Variants in STRN3 observed in about 807,000 individuals in gnomAD.
STRN3 encodes the protein striatin-3.
STRN3 carries 29 observed loss-of-function variants against 95.6 expected under a neutral mutation model. That is an observed-to-expected ratio of 0.30 (90% CI 0.23 to 0.41). The LOEUF (loss-of-function observed/expected upper bound fraction) is 0.41, where lower values mean the gene tolerates loss of function less well. Among genes scored for constraint, STRN3 ranks in the 10% least tolerant of loss-of-function variants. STRN3 has a pLI of 1.00. For synonymous variants in STRN3, 331 were observed against 357.6 expected (o/e 0.93, Z 0.84); for missense variants, 890 against 972.1 (o/e 0.92, Z 1.12).
At chr14:30,914,372 A>C (rs565776069) in intron 9 of STRN3, among the ~76,000 whole-genome samples, 2 of 151,838 alleles carry the variant, frequency 1.3e-5, no homozygotes, top group African/African-American at 4.8e-5. Flanking sequence ...ATTTATTTAG[A>C]GACACAGTCT....
rs117709418 is a variant in STRN3, at chr14:30,945,303, T to C, written c.716+1787A>G. 2.1e-3 allele frequency among the ~76,000 whole-genome samples: 313 copies of C among 152,262 alleles called. 5 individuals are homozygous for C. In the East Asian group the frequency reaches 0.032, roughly 15 times the overall value. ...GTCCAAAACTTGGAACCAACCCACATACCCATCACCTATATAAGAAACACA... is the reference window on the plus strand; with the variant it reads ...GTCCAAAACTTGGAACCAACCCACACACCCATCACCTATATAAGAAACACA... On this transcript the variant is annotated intron_variant, in intron 5 of 17. Coordinates refer to ENST00000357479, the MANE Select transcript of STRN3 (RefSeq NM_001083893.2).
intron 5 of STRN3, 44 bp downstream of exon 5, chr14:30,947,046 T>A: frequency 3.1e-6 from 4 of 1,271,416 alleles, no homozygotes; most frequent in South Asian, 1.7e-5. Flanking sequence ...AATAACAATA[T>A]CCATAATATC....
At chr14:30,985,577 T>C (rs1259746422) in intron 1 of STRN3, among the ~76,000 whole-genome samples, 2 of 146,580 alleles carry the variant, frequency 1.4e-5, no homozygotes, top group South Asian at 2.2e-4. Flanking sequence ...TACTCCAGCC[T>C]GGGCAACGAG....
chr14:31,013,931 G>C (rs928364542), intron 1 of STRN3, among the ~76,000 whole-genome samples: 2 of 133,600 alleles, frequency 1.5e-5, no homozygotes, highest in Non-Finnish European at 3.3e-5. Context: ...GAGACAGAGT[G>C]TCAGTCTATT....
chr14:30,899,250 G>C (rs928826843), intron 16 of STRN3, among the ~76,000 whole-genome samples: 2 of 152,128 alleles, frequency 1.3e-5, no homozygotes, highest in African/African-American at 4.8e-5. Flanking sequence ...GGTTCTTCCA[G>C]AATCACTCAC....
intron 1 of STRN3, among the ~76,000 whole-genome samples, chr14:30,967,480 A>T (rs1308914826): frequency 6.6e-6 from 1 of 152,248 alleles, no homozygotes; most frequent in Admixed American, 6.5e-5. Flanking sequence ...TGACCCTATA[A>T]CACTCCAATA....
intron 7 of STRN3, among the ~76,000 whole-genome samples, chr14:30,930,961 T>C (rs1878505141): frequency 1.3e-5 from 2 of 152,136 alleles, no homozygotes; most frequent in Non-Finnish European, 2.9e-5. Context: ...ATGAAGTTTA[T>C]ATAGGAAATT....
intron 1 of STRN3, among the ~76,000 whole-genome samples, chr14:30,984,564 G>A (rs1226704843): frequency 6.6e-6 from 1 of 152,220 alleles, no homozygotes; most frequent in African/African-American, 2.4e-5. Context: ...CAGATCACGA[G>A]GTCAAGAGAT....
intron 5 of STRN3, among the ~76,000 whole-genome samples, chr14:30,938,095 TGTC>T (rs959207822): frequency 6.8e-6 from 1 of 147,920 alleles, no homozygotes; most frequent in Non-Finnish European, 1.5e-5. Flanking sequence ...ATTTTTTAAT[TGTC>T]GTTTTTTTTT....
chr14:30,899,493 C>T (rs1254495616), intron 16 of STRN3, among the ~76,000 whole-genome samples: 2 of 152,180 alleles, frequency 1.3e-5, no homozygotes, highest in South Asian at 2.1e-4. Flanking sequence ...ACACATACAG[C>T]ATAGATAAAA....
chr14:31,013,232 A>C (rs1040401081), intron 1 of STRN3, among the ~76,000 whole-genome samples: 1 of 151,828 alleles, frequency 6.6e-6, no homozygotes, highest in African/African-American at 2.4e-5. Context: ...AAAATTAGTC[A>C]GGTGTGGAAG....
At chr14:30,997,313 C>T (rs1882248840) in intron 1 of STRN3, among the ~76,000 whole-genome samples, 1 of 152,176 alleles carries the variant, frequency 6.6e-6, no homozygotes, top group South Asian at 2.1e-4. Flanking sequence ...AGCAAGGCCT[C>T]AGCAAGGAAC....
chr14:30,970,070 A>G (rs370294570), intron 1 of STRN3, among the ~76,000 whole-genome samples: 4 of 152,210 alleles, frequency 2.6e-5, no homozygotes, highest in African/African-American at 9.6e-5. Flanking sequence ...TTTTTCATCT[A>G]TTCTATTACT....
At chr14:30,933,037 G>C (rs959207114) in intron 7 of STRN3, among the ~76,000 whole-genome samples, 7 of 152,022 alleles carry the variant, frequency 4.6e-5, no homozygotes, top group African/African-American at 1.7e-4. Context: ...CACTTTGGGA[G>C]GCCAAGGCAG....
intron 1 of STRN3, among the ~76,000 whole-genome samples, chr14:30,991,680 A>G (rs1594550935): frequency 6.6e-6 from 1 of 152,174 alleles, no homozygotes; most frequent in African/African-American, 2.4e-5. Flanking sequence ...GAATGGCTGG[A>G]ACTTTATTTT....
At chr14:30,950,827 A>C (rs1879602432) in intron 4 of STRN3, 36 bp downstream of exon 4, 1 of 1,583,992 alleles carries the variant, frequency 6.3e-7, no homozygotes, top group Non-Finnish European at 8.7e-7. Context: ...TCATACCTAG[A>C]TCCTTAAAGA....
At chr14:30,981,008 A>G (rs1881367850) in intron 1 of STRN3, among the ~76,000 whole-genome samples, 1 of 152,102 alleles carries the variant, frequency 6.6e-6, no homozygotes, top group Non-Finnish European at 1.5e-5. Flanking sequence ...ACCACTACTC[A>G]AAAACAGTAG....
chr14:30,929,967 A>AAACAAAAAAACAAAAAACAAAAAAAC, intron 7 of STRN3, among the ~76,000 whole-genome samples: 1 of 91,212 alleles, frequency 1.1e-5, no homozygotes, highest in African/African-American at 3.8e-5. Flanking sequence ...AAAAAAAAAA[A>AAACAAAAAAACAAAAAACAAAAAAAC]AAAAAAAAAA....
chr14:30,969,579 T>C (rs1880722670), intron 1 of STRN3, among the ~76,000 whole-genome samples: 1 of 152,170 alleles, frequency 6.6e-6, no homozygotes, highest in East Asian at 1.9e-4. Context: ...ATAAAAATCA[T>C]ACAGGAAGCA....
Sources: allele counts gnomAD v4.1 joint callset (sites outside exome capture counted in the v4.1 genomes callset), GRCh38; gene constraint gnomAD v4.1.1; transcripts MANE v1.5; gene names NCBI Gene and HGNC (gene_info 2026-07-23, HGNC 2026-07-21).